The following EPC1 variants were observed in gnomAD, a reference collection of about 807,000 sequenced individuals.
The protein encoded by EPC1 is enhancer of polycomb 1, also known as enhancer of polycomb homolog 1.
A neutral mutation model predicts 98.4 loss-of-function variants in EPC1; 12 were observed. The ratio of observed to expected loss-of-function variants is 0.12; its 90% CI spans 0.08 to 0.20. The LOEUF (loss-of-function observed/expected upper bound fraction) is 0.20. EPC1 is among the 10% of genes least tolerant of loss of function. EPC1 has a pLI of 1.00. For synonymous variants in EPC1, 357 were observed against 363.9 expected (o/e 0.98, Z 0.21); for missense variants, 729 against 990.5 (o/e 0.74, Z 3.54).
chr10:32,310,821 C>T (rs949752704), intron 1 of EPC1, among the ~76,000 whole-genome samples: 5 of 151,954 alleles, frequency 3.3e-5, no homozygotes, highest in African/African-American at 4.8e-5. Context: ...CTGCAGTAAG[C>T]GGAGATCACG....
At chr10:32,285,173 T>A in intron 9 of EPC1, 123 bp from the exon 10 acceptor site, 1 of 675,392 alleles carries the variant, frequency 1.5e-6, no homozygotes, top group Non-Finnish European at 2.4e-6. Flanking sequence ...TTAAAAGCTT[T>A]AAAGTTGATT....
chr10:32,268,831 A>G lies in EPC1; in HGVS notation c.*232T>C. 4.0e-6 allele frequency: 1 copy of G among 248,404 alleles called. No individual in the cohort carries two copies. The highest frequency in any genetic ancestry group is 7.6e-6 in the Non-Finnish European group (1 of 132,298). 15.4% of individuals were successfully genotyped at this position (248,404 alleles called of 1,614,324 possible). The stretch of plus-strand genomic sequence containing the variant: ...GTAACATATATACAAGGGTATTACA[A>G]ATATGCAGTACTGTACAGATAATTG... On this transcript the variant is annotated 3_prime_UTR_variant, in exon 14 of 14. Transcript: ENST00000319778.
chr10:32,281,126 C>G (rs748598239), intron 10 of EPC1, among the ~76,000 whole-genome samples: 1 of 152,170 alleles, frequency 6.6e-6, no homozygotes, highest in Non-Finnish European at 1.5e-5. Context: ...CGTCTGCCTC[C>G]TGGGTTCAAG....
chr10:32,345,988 AG>A (rs1473715457), intron 1 of EPC1, among the ~76,000 whole-genome samples: 4 of 152,352 alleles, frequency 2.6e-5, no homozygotes, highest in African/African-American at 9.6e-5. Flanking sequence ...GATATTCGCA[AG>A]GATCACAGAA....
At chr10:32,334,309 T>A (rs866736749) in intron 1 of EPC1, among the ~76,000 whole-genome samples, 1 of 152,222 alleles carries the variant, frequency 6.6e-6, no homozygotes, top group South Asian at 2.1e-4. Flanking sequence ...AGGTAACATA[T>A]CGCTTTGGCT....
chr10:32,316,079 C>A (rs763860210), intron 1 of EPC1, among the ~76,000 whole-genome samples: 1 of 152,174 alleles, frequency 6.6e-6, no homozygotes, highest in Non-Finnish European at 1.5e-5. Context: ...TAAGAATCAG[C>A]CTGCTCCCTC....
At chr10:32,318,776 T>C (rs1303978233) in intron 1 of EPC1, among the ~76,000 whole-genome samples, 1 of 152,198 alleles carries the variant, frequency 6.6e-6, no homozygotes, top group Non-Finnish European at 1.5e-5. Flanking sequence ...TACTCAATAC[T>C]CTCCATCCCA....
At chr10:32,270,212 A>T (rs1363915961) in intron 13 of EPC1, among the ~76,000 whole-genome samples, 5 of 152,194 alleles carry the variant, frequency 3.3e-5, no homozygotes, top group Non-Finnish European at 5.9e-5. Flanking sequence ...TTCTCCTTAT[A>T]CTGAATTACA....
intron 1 of EPC1, among the ~76,000 whole-genome samples, chr10:32,324,809 C>G (rs11597137): frequency 0.15 from 22,821 of 151,804 alleles, 2,019 homozygotes; most frequent in South Asian, 0.33. Context: ...CTGGCTAACA[C>G]GGTGAAACCC....
chr10:32,345,379 G>C, intron 1 of EPC1: 1 of 985,370 alleles, frequency 1.0e-6, no homozygotes. Context: ...AACCCAAAGA[G>C]TTTAAACAGT....
intron 2 of EPC1, among the ~76,000 whole-genome samples, chr10:32,294,572 G>A (rs1352729219): frequency 1.3e-5 from 2 of 152,158 alleles, no homozygotes; most frequent in African/African-American, 4.8e-5. Context: ...CTGTCACTCG[G>A]TGAGTATGTT....
intron 1 of EPC1, chr10:32,345,471 T>C (rs1196178320): frequency 1.0e-6 from 1 of 985,332 alleles, no homozygotes; most frequent in Non-Finnish European, 1.2e-6. Flanking sequence ...TACAGTACAA[T>C]TTTCCACAAC....
chr10:32,300,807 G>A (rs547202615), intron 2 of EPC1, among the ~76,000 whole-genome samples: 6 of 152,076 alleles, frequency 3.9e-5, no homozygotes, highest in East Asian at 1.9e-4. Context: ...ATTAGCCAGC[G>A]GAAACCCCTG....
At chr10:32,269,525 G>A (rs1835735926) in intron 13 of EPC1, 1 of 178,348 alleles carries the variant, frequency 5.6e-6, no homozygotes, top group African/African-American at 2.4e-5. Context: ...AATACATGGA[G>A]CTGAGTGGCA....
At chr10:32,319,720 G>A (rs1309308763) in intron 1 of EPC1, among the ~76,000 whole-genome samples, 2 of 152,052 alleles carry the variant, frequency 1.3e-5, no homozygotes, top group African/African-American at 4.8e-5. Context: ...CTGTCACCTG[G>A]GCTGGAAGTG....
intron 2 of EPC1, among the ~76,000 whole-genome samples, chr10:32,302,232 C>T (rs1835593830): frequency 6.6e-6 from 1 of 151,090 alleles, no homozygotes; most frequent in South Asian, 2.1e-4. Flanking sequence ...CAGAGCAAGA[C>T]TCCGTCTCAA....
intron 1 of EPC1, chr10:32,345,314 T>A: frequency 1.0e-6 from 1 of 985,370 alleles, no homozygotes. Context: ...TTTAAGACAC[T>A]ACTCTCAAAA....
chr10:32,271,678 T>C lies in EPC1; in HGVS notation c.2245A>G (p.Ile749Val), dbSNP rs1185190060. The C allele has an allele frequency of 6.2e-7, 1 of 1,614,212 alleles. No individual in the cohort carries two copies. The highest frequency in any genetic ancestry group is 8.5e-7 in the Non-Finnish European group (1 of 1,180,038). ...GTCCTAGGTATATGTCGTGCATTTA[T>C]TGGGGCAATAGAGTTTACAGTGGCA... is the stretch of plus-strand genomic sequence containing the variant. ...SVATVNSIAPINARHIPRTLS... is the reference protein window; with the variant it reads ...SVATVNSIAPVNARHIPRTLS... The change falls in exon 13 of 14, where the codon ATA becomes GTA. Residue 749 changes from isoleucine to valine, a missense_variant. By Grantham distance (29) the Ile-to-Val change is conservative. This residue lies in a region of EPC1 where 156 missense variants were observed against 188.9 expected (regional missense o/e 0.83). Transcript: ENST00000319778.
chr10:32,321,049 T>A (rs909091796), intron 1 of EPC1, among the ~76,000 whole-genome samples: 7 of 152,020 alleles, frequency 4.6e-5, no homozygotes, highest in African/African-American at 7.3e-5. Context: ...AGTTAGTTTA[T>A]TTTTTTTAAG....
Sources: gnomAD v4.1 joint callset for allele counts (sites outside exome capture counted in the v4.1 genomes callset) on GRCh38, gnomAD v4.1.1 for gene constraint, gnomAD v4.1.1 regional missense constraint, MANE v1.5 for transcripts, NCBI Gene and HGNC (gene_info 2026-07-23, HGNC 2026-07-21) for gene names.